The following NRG1 variants were observed in gnomAD, a reference collection of about 807,000 sequenced individuals.
The protein encoded by NRG1 is neuregulin 1, also known as pro-neuregulin-1, membrane-bound isoform.
A neutral mutation model predicts 63.8 loss-of-function variants in NRG1; 18 were observed. That is an observed-to-expected ratio of 0.28 (90% confidence interval 0.19 to 0.42). The LOEUF (loss-of-function observed/expected upper bound fraction) is 0.42, where lower values mean the gene tolerates loss of function less well. NRG1 is among the 10% of genes least tolerant of loss of function. The probability of loss-of-function intolerance (pLI) is 1.00; values close to 1 mark genes in which losing one functional copy is unlikely to be tolerated. For missense variants in NRG1, 762 were observed against 814.7 expected (o/e 0.94, Z 0.79); for synonymous variants, 302 against 301.3 (o/e 1.00, Z -0.02).
intron 1 of NRG1, among the ~76,000 whole-genome samples, chr8:31,966,711 T>G (rs1806393210): frequency 6.6e-6 from 1 of 152,164 alleles, no homozygotes; most frequent in African/African-American, 2.4e-5. Context: ...ACATTCTGGA[T>G]CTAGTGAGAA....
At chr8:32,187,075 T>C (rs1245633185) in intron 1 of NRG1, among the ~76,000 whole-genome samples, 1 of 152,198 alleles carries the variant, frequency 6.6e-6, no homozygotes, top group African/African-American at 2.4e-5. Context: ...AGTGTTTTCA[T>C]TGCTTAACAG....
At chr8:32,748,346 CACACACACACACAG>C in intron 7 of NRG1, among the ~76,000 whole-genome samples, 1 of 97,646 alleles carries the variant, frequency 1.0e-5, no homozygotes, top group Non-Finnish European at 2.4e-5. Context: ...CGCGCACACA[CACACACACACACAG>C]AGAGAGAGAG....
intron 5 of NRG1, among the ~76,000 whole-genome samples, chr8:32,619,931 C>G (rs1304318297): frequency 6.6e-6 from 1 of 152,070 alleles, no homozygotes; most frequent in African/African-American, 2.4e-5. Context: ...CCAGTCGTGG[C>G]AGGAACCAGG....
chr8:32,528,537 A>C (rs978038073), intron 1 of NRG1, among the ~76,000 whole-genome samples: 1 of 152,216 alleles, frequency 6.6e-6, no homozygotes, highest in African/African-American at 2.4e-5. Flanking sequence ...AATTAGTGAT[A>C]GCAACTCTGT....
chr8:32,008,563 T>C (rs2929484), intron 1 of NRG1, among the ~76,000 whole-genome samples: 107,120 of 151,886 alleles, frequency 0.71, 38,336 homozygotes, highest in Middle Eastern at 0.81. Flanking sequence ...TACTAATATC[T>C]ATGTGTGTGT....
At chr8:31,689,348 C>G (rs1450209390) in intron 1 of NRG1, among the ~76,000 whole-genome samples, 2 of 152,148 alleles carry the variant, frequency 1.3e-5, no homozygotes, top group Non-Finnish European at 2.9e-5. Flanking sequence ...GCTTCCTGTT[C>G]AGATAATACC....
chr8:31,748,375 A>C lies in NRG1; in HGVS notation c.37+108944A>C, dbSNP rs931017761. Among the ~76,000 whole-genome samples, 4 of 152,074 alleles carry C rather than the reference A, an allele frequency of 2.6e-5. No individual in the cohort carries two copies. The East Asian group carries it at 5.8e-4, about 22-fold the overall frequency. ...TTTCACAGATGAGAAGATTGAGGGC[A>C]AAGAAGTTAAGTATTTTGCTTATGG... On this transcript the variant is annotated intron_variant, in intron 1 of 10. Coordinates refer to the NRG1 transcript ENST00000519301.
At chr8:32,152,109 G>A (rs1021699316) in intron 1 of NRG1, among the ~76,000 whole-genome samples, 1 of 152,234 alleles carries the variant, frequency 6.6e-6, no homozygotes, top group Non-Finnish European at 1.5e-5. Flanking sequence ...GCAATCTTAA[G>A]TGTGCATGTA....
chr8:32,501,335 T>A (rs1457145432), intron 1 of NRG1, among the ~76,000 whole-genome samples: 1 of 152,160 alleles, frequency 6.6e-6, no homozygotes, highest in African/African-American at 2.4e-5. Flanking sequence ...TTCTGAAAAA[T>A]CAAAATCATT....
At chr8:32,050,759 G>A (rs1188682667) in intron 1 of NRG1, among the ~76,000 whole-genome samples, 1 of 152,136 alleles carries the variant, frequency 6.6e-6, no homozygotes, top group Non-Finnish European at 1.5e-5. Context: ...GAAAAGATAA[G>A]AGGTTATCTT....
intron 1 of NRG1, among the ~76,000 whole-genome samples, chr8:32,468,942 A>T (rs1393441311): frequency 1.3e-5 from 2 of 152,220 alleles, no homozygotes; most frequent in Admixed American, 6.5e-5. Context: ...TCTTCTGAGC[A>T]CTGCGCTAGG....
At chr8:31,655,027 C>T (rs775244226) in intron 1 of NRG1, among the ~76,000 whole-genome samples, 7 of 152,306 alleles carry the variant, frequency 4.6e-5, no homozygotes, top group Admixed American at 6.5e-5. Flanking sequence ...CCTCAGATTT[C>T]GGCATTCCCA....
At position 31,896,911 on chromosome 8, in the gene NRG1, G is replaced by C. The variant is rs565476582; in HGVS notation, c.37+257480G>C. On this transcript the variant is annotated intron_variant, in intron 1 of 10. Transcript: ENST00000519301. ...ACTGTCTTCCTTTTACAAGGGAAAAGACTTGTTTGACTTGTGTTTAGATCC... is the reference window on the plus strand; with the variant it reads ...ACTGTCTTCCTTTTACAAGGGAAAACACTTGTTTGACTTGTGTTTAGATCC... Among the ~76,000 whole-genome samples, 4 of 152,246 alleles carry C rather than the reference G, an allele frequency of 2.6e-5. No individual in the cohort carries two copies. In the East Asian group the frequency reaches 7.7e-4, roughly 29 times the overall value.
At chr8:31,766,786 A>C (rs1818110062) in intron 1 of NRG1, among the ~76,000 whole-genome samples, 1 of 152,130 alleles carries the variant, frequency 6.6e-6, no homozygotes. Context: ...TTCTTATTTG[A>C]ATATATTTAT....
At chr8:31,722,525 A>AT (rs1486443575) in intron 1 of NRG1, among the ~76,000 whole-genome samples, 1 of 152,142 alleles carries the variant, frequency 6.6e-6, no homozygotes, top group African/African-American at 2.4e-5. Flanking sequence ...GAATCTAATA[A>AT]TTTTTTATTG....
chr8:32,015,224 C>A (rs562690314), intron 1 of NRG1, among the ~76,000 whole-genome samples: 4 of 152,164 alleles, frequency 2.6e-5, no homozygotes, highest in South Asian at 4.2e-4. Flanking sequence ...CTTGCACAAG[C>A]CCCCAAACAA....
chr8:31,682,065 G>A (rs1402816316), intron 1 of NRG1, among the ~76,000 whole-genome samples: 1 of 152,004 alleles, frequency 6.6e-6, no homozygotes, highest in African/African-American at 2.4e-5. Context: ...GATTCCTATA[G>A]AAGAGTTTCA....
intron 1 of NRG1, among the ~76,000 whole-genome samples, chr8:32,348,649 G>A (rs574287341): frequency 6.6e-6 from 1 of 152,218 alleles, no homozygotes; most frequent in East Asian, 1.9e-4. Flanking sequence ...TACACTATCA[G>A]TATGGTTTTC....
At chr8:32,085,131 C>G (rs999245747) in intron 1 of NRG1, among the ~76,000 whole-genome samples, 1 of 152,162 alleles carries the variant, frequency 6.6e-6, no homozygotes, top group African/African-American at 2.4e-5. Context: ...TGCTCTATAT[C>G]CTTTGCTTTT....
Sources: allele counts gnomAD v4.1 joint callset (sites outside exome capture counted in the v4.1 genomes callset), GRCh38; gene constraint gnomAD v4.1.1; transcripts MANE v1.5; gene names NCBI Gene and HGNC (gene_info 2026-07-23, HGNC 2026-07-21).